The following UPRT variants were observed in gnomAD, a reference collection of about 807,000 sequenced individuals.
UPRT encodes uracil phosphoribosyltransferase homolog.
Under a neutral mutation model 22.6 loss-of-function variants are expected in UPRT, and 5 were observed. The observed-to-expected ratio is 0.22, with a 90% CI of 0.12 to 0.47. The LOEUF is 0.47. Among genes scored for constraint, UPRT ranks in the 20% least tolerant of loss-of-function variants. The pLI is 0.99. For missense variants in UPRT, 181 were observed against 239.9 expected, an observed-to-expected ratio of 0.75 and a Z score of 1.62; for synonymous variants, 77 against 87.7, an observed-to-expected ratio of 0.88 and a Z score of 0.68.
At chrX:75,183,849 C>G (rs149850849) in intron 4 of UPRT, among the ~76,000 whole-genome samples, 1 of 112,023 alleles carries the variant, frequency 8.9e-6, no homozygotes, top group East Asian at 2.8e-4. Flanking sequence ...TCATATCCTT[C>G]GCCCACTTAT....
At chrX:75,252,840 C>T (rs1319922294) in intron 4 of UPRT, among the ~76,000 whole-genome samples, 1 of 112,384 alleles carries the variant, frequency 8.9e-6, no homozygotes, top group Non-Finnish European at 1.9e-5. Context: ...GGCACATATA[C>T]ACCATGGAAT....
chrX:75,165,593 T>C (rs185931788), intron 3 of UPRT, among the ~76,000 whole-genome samples: 123 of 111,977 alleles, frequency 1.1e-3, no homozygotes, highest in Non-Finnish European at 2.0e-3. Context: ...GTCAATGACA[T>C]GTTTAAATGC....
At chrX:75,233,647 A>C (rs2082448163) in intron 4 of UPRT, among the ~76,000 whole-genome samples, 1 of 111,455 alleles carries the variant, frequency 9.0e-6, no homozygotes, top group Non-Finnish European at 1.9e-5. Context: ...TTCTTAAAGA[A>C]AAGAATTTTA....
At chrX:75,171,692 C>A (rs1183908003) in intron 4 of UPRT, among the ~76,000 whole-genome samples, 1 of 107,306 alleles carries the variant, frequency 9.3e-6, no homozygotes. Flanking sequence ...TTTCTGGTTT[C>A]TTCTCATTTG....
At chrX:75,180,703 T>TTG (rs2082267406) in intron 4 of UPRT, among the ~76,000 whole-genome samples, 4 of 94,550 alleles carry the variant, frequency 4.2e-5, no homozygotes, top group African/African-American at 1.6e-4. Context: ...TTGTTTTTTT[T>TTG]TTTTTTTTTT....
intron 3 of UPRT, among the ~76,000 whole-genome samples, chrX:75,165,171 G>T (rs1212502279): frequency 9.1e-6 from 1 of 109,986 alleles, no homozygotes; most frequent in Non-Finnish European, 1.9e-5. Context: ...CTCAACAGAA[G>T]TGGAGAACAG....
chrX:75,232,591 G>A (rs948955101), intron 4 of UPRT, among the ~76,000 whole-genome samples: 9 of 112,348 alleles, frequency 8.0e-5, no homozygotes, highest in African/African-American at 2.9e-4. Flanking sequence ...GGAGATCTGA[G>A]AATGGGCAGA....
intron 4 of UPRT, among the ~76,000 whole-genome samples, chrX:75,234,206 T>C (rs150622184): frequency 0.019 from 2,080 of 110,957 alleles, 52 homozygotes; most frequent in African/African-American, 0.065. Flanking sequence ...TACTCAATGG[T>C]AAAGGGATCG....
chrX:75,229,038 G>A (rs780023531), intron 4 of UPRT, among the ~76,000 whole-genome samples: 3 of 111,866 alleles, frequency 2.7e-5, no homozygotes, highest in East Asian at 2.8e-4. Flanking sequence ...TGGTAAAAGC[G>A]TGCAAACTTT....
chrX:75,263,560 G>T (rs1247069173), intron 4 of UPRT, among the ~76,000 whole-genome samples: 1 of 111,489 alleles, frequency 9.0e-6, no homozygotes, highest in Non-Finnish European at 1.9e-5. Context: ...GGGATCGGTG[G>T]TGATATATCC....
At chrX:75,246,915 T>G (rs1203020345) in intron 4 of UPRT, among the ~76,000 whole-genome samples, 9 of 111,964 alleles carry the variant, frequency 8.0e-5, no homozygotes, top group Non-Finnish European at 1.9e-5. Flanking sequence ...ATTTTTAAAA[T>G]AATCACCTTG....
At chrX:75,222,545 C>A (rs1361034728) in intron 4 of UPRT, among the ~76,000 whole-genome samples, 1 of 111,738 alleles carries the variant, frequency 8.9e-6, no homozygotes, top group Admixed American at 9.5e-5. Context: ...TGGCACCTAA[C>A]CACAAGACAA....
intron 4 of UPRT, among the ~76,000 whole-genome samples, chrX:75,266,931 G>A (rs2082590817): frequency 9.0e-6 from 1 of 111,206 alleles, no homozygotes; most frequent in Admixed American, 9.6e-5. Context: ...TAAAAAGTCA[G>A]GAAATAACAG....
intron 1 of UPRT, among the ~76,000 whole-genome samples, chrX:75,284,265 T>C (rs1007480809): frequency 8.9e-6 from 1 of 111,884 alleles, no homozygotes; most frequent in Non-Finnish European, 1.9e-5. Flanking sequence ...CTGATTAGCT[T>C]AATAACTAAC....
intron 2 of UPRT, chrX:75,294,604 C>T (rs1369069734): frequency 2.0e-6 from 2 of 983,147 alleles, no homozygotes; most frequent in Non-Finnish European, 2.6e-6. Flanking sequence ...TAGACAACTC[C>T]TGTTCTGCTT....
rs2082756344 is a variant in UPRT, at chrX:75,304,579, A to G, written c.*1068A>G. 2 of 111,445 alleles carry G rather than the reference A, an allele frequency of 1.8e-5. No homozygotes were observed. The highest frequency in any genetic ancestry group is 6.5e-5 in the African/African-American group (2 of 30,634). The allele number at this position is 111,445 out of a possible 1,213,427, so 9.2% of individuals were successfully genotyped here. Reference sequence around the variant, plus strand: ...AAAACTCTCATCTCATTTTACATTGATATTAAAACATTTTAACAGTGTTGG... The same window carrying G: ...AAAACTCTCATCTCATTTTACATTGGTATTAAAACATTTTAACAGTGTTGG... On this transcript the variant is annotated 3_prime_UTR_variant, in exon 7 of 7. Transcript: ENST00000373383.
At chrX:75,250,950 A>G (rs1211580158) in intron 4 of UPRT, among the ~76,000 whole-genome samples, 1 of 111,944 alleles carries the variant, frequency 8.9e-6, no homozygotes, top group Non-Finnish European at 1.9e-5. Flanking sequence ...AACGGAACCA[A>G]AGACAAAAAT....
chrX:75,251,278 G>C (rs2082528558), intron 4 of UPRT, among the ~76,000 whole-genome samples: 1 of 111,570 alleles, frequency 9.0e-6, no homozygotes. Context: ...AATTGTCCCT[G>C]TTTGCAGATG....
At chrX:75,221,128 A>G (rs1008561866) in intron 4 of UPRT, among the ~76,000 whole-genome samples, 1 of 111,258 alleles carries the variant, frequency 9.0e-6, no homozygotes, top group African/African-American at 3.3e-5. Flanking sequence ...CACTTTAAAT[A>G]TGTTATGCCA....
Sources: gnomAD v4.1 joint callset for allele counts (sites outside exome capture counted in the v4.1 genomes callset) on GRCh38, gnomAD v4.1.1 for gene constraint, MANE v1.5 for transcripts, NCBI Gene and HGNC (gene_info 2026-07-23, HGNC 2026-07-21) for gene names.